Variants in RIN3 observed in about 807,000 individuals in gnomAD.
RIN3 encodes RAB5 interacting protein 3.
Under a neutral mutation model 76.3 loss-of-function variants are expected in RIN3, and 54 were observed. The ratio of observed to expected loss-of-function variants is 0.71; its 90% CI spans 0.57 to 0.89. RIN3 has a LOEUF of 0.89. RIN3 is among the 40% of genes least tolerant of loss of function. The probability of loss-of-function intolerance (pLI) is 0.00; values close to 1 mark genes in which losing one functional copy is unlikely to be tolerated. For synonymous variants in RIN3, 576 were observed against 564.0 expected (o/e 1.02, Z -0.30); for missense variants, 1,256 against 1,322.1 (o/e 0.95, Z 0.78).
chr14:92,592,214 C>T (rs576787756), intron 3 of RIN3, among the ~76,000 whole-genome samples: 2 of 151,988 alleles, frequency 1.3e-5, no homozygotes, highest in African/African-American at 4.8e-5. Flanking sequence ...CCAGCCTGGC[C>T]AACATGGTGA....
intron 8 of RIN3, among the ~76,000 whole-genome samples, chr14:92,678,410 C>T (rs921506289): frequency 1.3e-5 from 2 of 151,178 alleles, no homozygotes; most frequent in Non-Finnish European, 2.9e-5. Context: ...ACATATTCGC[C>T]CACCCTCCAC....
chr14:92,579,664 A>C (rs905536370), intron 3 of RIN3, among the ~76,000 whole-genome samples: 2 of 152,256 alleles, frequency 1.3e-5, no homozygotes, highest in African/African-American at 2.4e-5. Context: ...GTTAAGATTC[A>C]TTAAATATTC....
chr14:92,542,274 C>G (rs930393567), intron 1 of RIN3, among the ~76,000 whole-genome samples: 4 of 151,802 alleles, frequency 2.6e-5, no homozygotes, highest in Non-Finnish European at 5.9e-5. Flanking sequence ...GTTGACAGAG[C>G]GAGACCCTGT....
intron 1 of RIN3, among the ~76,000 whole-genome samples, chr14:92,541,320 A>G (rs914819912): frequency 3.9e-5 from 6 of 152,100 alleles, no homozygotes; most frequent in African/African-American, 7.2e-5. Flanking sequence ...TGGTTAGGTC[A>G]TGTTAATACA....
chr14:92,667,778 G>A (rs1051805955), intron 7 of RIN3, among the ~76,000 whole-genome samples: 1 of 152,162 alleles, frequency 6.6e-6, no homozygotes, highest in African/African-American at 2.4e-5. Context: ...GAGGTTTGGA[G>A]GTGGAGGGCC....
intron 1 of RIN3, among the ~76,000 whole-genome samples, chr14:92,548,140 A>G (rs1034221440): frequency 2.0e-5 from 3 of 152,218 alleles, no homozygotes; most frequent in Non-Finnish European, 2.9e-5. Flanking sequence ...GTATATTTCT[A>G]TGTCACTGTG....
intron 2 of RIN3, among the ~76,000 whole-genome samples, chr14:92,557,199 G>T (rs1897613310): frequency 6.6e-6 from 1 of 152,162 alleles, no homozygotes; most frequent in Admixed American, 6.5e-5. Flanking sequence ...ATGTGAATCT[G>T]CCCATTTAAC....
At chr14:92,553,699 G>GC (rs1199262855) in intron 1 of RIN3, among the ~76,000 whole-genome samples, 4 of 152,022 alleles carry the variant, frequency 2.6e-5, no homozygotes, top group African/African-American at 7.3e-5. Context: ...GAGAGTCAGG[G>GC]CCCCCCGGAG....
At chr14:92,576,075 G>A (rs968517410) in intron 2 of RIN3, among the ~76,000 whole-genome samples, 3 of 152,162 alleles carry the variant, frequency 2.0e-5, no homozygotes, top group Non-Finnish European at 4.4e-5. Flanking sequence ...GTCAAGACAG[G>A]AGCAGGGAGG....
chr14:92,531,205 A>T (rs1266859452), intron 1 of RIN3, among the ~76,000 whole-genome samples: 1 of 152,230 alleles, frequency 6.6e-6, no homozygotes, highest in Non-Finnish European at 1.5e-5. Context: ...AGGCAGCAGC[A>T]GATTCTGTGT....
intron 7 of RIN3, among the ~76,000 whole-genome samples, chr14:92,662,442 G>A (rs1392831748): frequency 3.9e-5 from 6 of 152,296 alleles, no homozygotes; most frequent in Middle Eastern, 6.8e-3. Context: ...GCCGCTTCTC[G>A]GCTTGTGGCT....
At chr14:92,634,068 CTTTTTTTTTT>C (rs6145445) in intron 4 of RIN3, among the ~76,000 whole-genome samples, 34,053 of 108,890 alleles carry the variant, frequency 0.31, 5,300 homozygotes, top group African/African-American at 0.51. Flanking sequence ...CTAAAAATCC[CTTTTTTTTTT>C]TTTTTTTTTT....
chr14:92,635,092 C>A (rs1886727479), intron 4 of RIN3, among the ~76,000 whole-genome samples: 1 of 152,196 alleles, frequency 6.6e-6, no homozygotes, highest in Admixed American at 6.5e-5. Context: ...CTCCAGCACC[C>A]TATCTGGAGG....
intron 4 of RIN3, among the ~76,000 whole-genome samples, chr14:92,640,861 T>TGTTCGTCGGGG (rs1886983899): frequency 6.6e-6 from 1 of 152,146 alleles, no homozygotes; most frequent in Non-Finnish European, 1.5e-5. Flanking sequence ...CCTGACTGTG[T>TGTTCGTCGGGG]GCTCACTGCA....
intron 1 of RIN3, among the ~76,000 whole-genome samples, chr14:92,530,687 G>A (rs1177478949): frequency 1.3e-5 from 2 of 152,116 alleles, no homozygotes; most frequent in African/African-American, 4.8e-5. Flanking sequence ...TGAGTCCAGA[G>A]CCTCTGCCCT....
rs769596794 is a variant in RIN3, at chr14:92,615,461, C to A, written c.422C>A (p.Ala141Glu). ...LVFEDIFRLIAFYCVSRDLLP... is the reference protein window; with the variant it reads ...LVFEDIFRLIEFYCVSRDLLP... ...TTTGAGGACATCTTCAGATTGATTG[C>A]GTTCTACTGTGTCAGTAGGTGAGTA... The change falls in exon 4 of 10, where the codon GCG (alanine) becomes GAG (glutamate). Residue 141 changes from alanine to glutamate, a missense_variant. Physicochemically the swap from Ala to Glu is moderately radical, Grantham distance 107 (BLOSUM62 -1). Around this residue, in one of 3 missense-constraint regions of RIN3, gnomAD observed 610 missense variants for 626.4 expected, o/e 0.97. Transcript: ENST00000216487. The A allele has an allele frequency of 9.3e-6, 15 of 1,613,922 alleles. No individual in the cohort carries two copies. The highest frequency in any genetic ancestry group is 1.3e-5 in the Non-Finnish European group (15 of 1,179,938).
At chr14:92,607,655 A>C (rs551035169) in intron 3 of RIN3, among the ~76,000 whole-genome samples, 4 of 152,332 alleles carry the variant, frequency 2.6e-5, no homozygotes, top group African/African-American at 9.6e-5. Context: ...ATGACCCAGC[A>C]ATTTCACTCT....
intron 1 of RIN3, among the ~76,000 whole-genome samples, chr14:92,524,849 T>G (rs1359595768): frequency 6.6e-6 from 1 of 152,194 alleles, no homozygotes; most frequent in Non-Finnish European, 1.5e-5. Flanking sequence ...CCCAGGCCGC[T>G]CCATGGCACG....
At chr14:92,594,267 T>C (rs1885080916) in intron 3 of RIN3, among the ~76,000 whole-genome samples, 1 of 152,042 alleles carries the variant, frequency 6.6e-6, no homozygotes, top group Non-Finnish European at 1.5e-5. Context: ...ACCCCATCTC[T>C]ACTAAAAATA....
Sources: gnomAD v4.1 joint callset for allele counts (sites outside exome capture counted in the v4.1 genomes callset) on GRCh38, gnomAD v4.1.1 for gene constraint, gnomAD v4.1.1 regional missense constraint, MANE v1.5 for transcripts, NCBI Gene and HGNC (gene_info 2026-07-23, HGNC 2026-07-21) for gene names.